Variants in SLC4A1AP observed in about 807,000 individuals in gnomAD.
SLC4A1AP encodes the protein solute carrier family 4 member 1 adaptor protein.
In SLC4A1AP, 64 loss-of-function variants were observed where a neutral mutation model predicts 89.7. The ratio of observed to expected loss-of-function variants is 0.71; its 90% CI spans 0.58 to 0.88. The LOEUF (loss-of-function observed/expected upper bound fraction) is 0.88. Ranked by LOEUF, SLC4A1AP falls within the 40% of genes least tolerant of loss-of-function variation. The pLI is 0.00. For missense variants in SLC4A1AP, 931 were observed against 965.0 expected, an observed-to-expected ratio of 0.96 and a Z score of 0.47; for synonymous variants, 366 against 353.3, an observed-to-expected ratio of 1.04 and a Z score of -0.40.
At chr2:27,679,432 C>A (rs1436542087) in intron 8 of SLC4A1AP, among the ~76,000 whole-genome samples, 1 of 152,038 alleles carries the variant, frequency 6.6e-6, no homozygotes, top group Non-Finnish European at 1.5e-5. Flanking sequence ...GAAACCCTGT[C>A]TCTACTAAAA....
chr2:27,672,761 G>A (rs1675447037), intron 5 of SLC4A1AP, among the ~76,000 whole-genome samples: 1 of 152,286 alleles, frequency 6.6e-6, no homozygotes, highest in Middle Eastern at 3.4e-3. Context: ...ATTGAATGAT[G>A]TGGGTGGGCC....
At chr2:27,683,537 T>C (rs1161041761) in intron 9 of SLC4A1AP, among the ~76,000 whole-genome samples, 1 of 152,178 alleles carries the variant, frequency 6.6e-6, no homozygotes, top group African/African-American at 2.4e-5. Flanking sequence ...TCTAAGGACA[T>C]GAGTCATACT....
At chr2:27,663,964 G>A (rs1343884185) in exon 1 of SLC4A1AP, 1 of 1,614,232 alleles carries the variant, frequency 6.2e-7, no homozygotes, top group East Asian at 2.2e-5. Context: ...CAAGACCTCA[G>A]TGGGGACTTC....
intron 8 of SLC4A1AP, among the ~76,000 whole-genome samples, chr2:27,679,059 T>C (rs548353711): frequency 3.3e-5 from 5 of 152,178 alleles, no homozygotes; most frequent in Non-Finnish European, 7.3e-5. Context: ...AGATTAATTA[T>C]GATTTTATAC....
At chr2:27,673,689 A>G (rs1675468013) in intron 5 of SLC4A1AP, among the ~76,000 whole-genome samples, 1 of 152,142 alleles carries the variant, frequency 6.6e-6, no homozygotes, top group Non-Finnish European at 1.5e-5. Flanking sequence ...AGGCGTGGGT[A>G]CATCTCTTTA....
intron 2 of SLC4A1AP, among the ~76,000 whole-genome samples, chr2:27,665,649 C>G (rs1210273578): frequency 3.3e-5 from 5 of 152,146 alleles, no homozygotes; most frequent in Non-Finnish European, 5.9e-5. Flanking sequence ...TCTATTCAAT[C>G]AAATAAATGG....
At chr2:27,678,023 A>G (rs1675553170) in intron 8 of SLC4A1AP, 99 bp downstream of exon 8, 2 of 791,122 alleles carry the variant, frequency 2.5e-6, no homozygotes, top group Non-Finnish European at 3.8e-6. Context: ...TATATAATAC[A>G]AATGTAATGC....
rs531229898 is a variant in SLC4A1AP, at chr2:27,679,384, C to T, written c.1763+1460C>T. Among the ~76,000 whole-genome samples, 376 of 152,214 alleles carry T rather than the reference C, an allele frequency of 2.5e-3. 1 individual carries two copies. Among genetic ancestry groups the T allele is most frequent in the Admixed American group, 3.6e-3 (55 of 15,288 alleles). On this transcript the variant is annotated intron_variant, in intron 8 of 13. Coordinates refer to ENST00000613058, the Ensembl canonical transcript of SLC4A1AP. ...TTGGGAGGCTGAGCTGGGCGGATCACGAGGTCAGGAGATCGAGACCATCCT... is the reference window on the plus strand; with the variant it reads ...TTGGGAGGCTGAGCTGGGCGGATCATGAGGTCAGGAGATCGAGACCATCCT...
At chr2:27,668,881 A>G in exon 4 of SLC4A1AP, 1 of 1,614,174 alleles carries the variant, frequency 6.2e-7, no homozygotes, top group Non-Finnish European at 8.5e-7. Context: ...ACAGGGACAT[A>G]GCACTTGGCT....
exon 9 of SLC4A1AP, chr2:27,682,314 C>A (rs777687312): frequency 6.2e-7 from 1 of 1,613,646 alleles, no homozygotes; most frequent in Non-Finnish European, 8.5e-7. Context: ...TATTTGGTGC[C>A]ATGAAAGGAG....
At chr2:27,675,747 CAT>C (rs796072567) in intron 6 of SLC4A1AP, 55 bp downstream of exon 6, 38 of 1,156,480 alleles carry the variant, frequency 3.3e-5, no homozygotes, top group Middle Eastern at 2.3e-4. Context: ...TTTTTAATAA[CAT>C]AATGTATTAT....
At chr2:27,686,645 G>T (rs1009813057) in intron 10 of SLC4A1AP, among the ~76,000 whole-genome samples, 1 of 152,162 alleles carries the variant, frequency 6.6e-6, no homozygotes, top group African/African-American at 2.4e-5. Flanking sequence ...GTGCATGCTT[G>T]TAATCACAGG....
chr2:27,674,579 T>C (rs894173926), intron 5 of SLC4A1AP, among the ~76,000 whole-genome samples: 1 of 150,262 alleles, frequency 6.7e-6, no homozygotes, highest in Non-Finnish European at 1.5e-5. Flanking sequence ...ATTTGTACTT[T>C]ATTTTTTTTT....
chr2:27,677,656 G>T, intron 7 of SLC4A1AP, 82 bp from the exon 8 acceptor site: 1 of 1,175,264 alleles, frequency 8.5e-7, no homozygotes, highest in Middle Eastern at 2.4e-4. Flanking sequence ...TTATGTTAGT[G>T]ACTTTTATAT....
chr2:27,664,757 A>C (rs892545112), intron 1 of SLC4A1AP, among the ~76,000 whole-genome samples, 180 bp downstream of exon 1: 1 of 152,202 alleles, frequency 6.6e-6, no homozygotes, highest in African/African-American at 2.4e-5. Context: ...AGTCATGTTC[A>C]CAATCCCGAA....
At chr2:27,687,668 G>A (rs1558510185) in intron 10 of SLC4A1AP, among the ~76,000 whole-genome samples, 1 of 152,120 alleles carries the variant, frequency 6.6e-6, no homozygotes, top group Non-Finnish European at 1.5e-5. Context: ...CTAGGCCAAG[G>A]AGTATGTACA....
In SLC4A1AP at chr2:27,677,995, A is replaced by G. The variant is rs920800944; in HGVS notation, c.1763+71A>G. 7.1e-6 allele frequency: 7 copies of G among 986,068 alleles called. No individual in the cohort carries two copies. In the African/African-American group the frequency reaches 1.2e-4, roughly 16 times the overall value. 61.1% of individuals were successfully genotyped at this position (986,068 alleles called of 1,614,324 possible). On this transcript the variant is annotated intron_variant, in intron 8 of 13. Coordinates refer to ENST00000613058, the Ensembl canonical transcript of SLC4A1AP. ...AGATAACATTTTCAATTATCGCTTT[A>G]TCTTCTTAAATAATCATTATATAAT...
chr2:27,694,914 G>A (rs1231829598), exon 14 of SLC4A1AP: 1 of 376,956 alleles, frequency 2.7e-6, no homozygotes, highest in Non-Finnish European at 4.8e-6. Flanking sequence ...GGAACCATAT[G>A]TTTTGAGAAT....
At chr2:27,680,735 TCAAA>T (rs35690444) in intron 8 of SLC4A1AP, among the ~76,000 whole-genome samples, 123 of 149,868 alleles carry the variant, frequency 8.2e-4, no homozygotes, top group East Asian at 2.0e-3. Context: ...AGACCCTGTC[TCAAA>T]CAAACAAACA....
Sources: gnomAD v4.1 joint callset for allele counts (sites outside exome capture counted in the v4.1 genomes callset) on GRCh38, gnomAD v4.1.1 for gene constraint, MANE v1.5 for transcripts, NCBI Gene and HGNC (gene_info 2026-07-23, HGNC 2026-07-21) for gene names.